FGF13: variants seen among roughly 807,000 people sequenced by gnomAD.
FGF13 encodes fibroblast growth factor 13.
A neutral mutation model predicts 19.5 loss-of-function variants in FGF13; 2 were observed. That is an observed-to-expected ratio of 0.10 (90% CI 0.04 to 0.32). FGF13 has a LOEUF of 0.32. FGF13 is among the 10% of genes least tolerant of loss of function. The probability of loss-of-function intolerance (pLI) is 1.00; values close to 1 mark genes in which losing one functional copy is unlikely to be tolerated. For missense variants in FGF13, 113 were observed against 192.7 expected (o/e 0.59, Z 2.45); for synonymous variants, 72 against 76.9 (o/e 0.94, Z 0.33).
At chrX:139,065,498 A>AAAAAAAAAAAAAAAG (rs1569449080) in intron 1 of FGF13, among the ~76,000 whole-genome samples, 1 of 84,223 alleles carries the variant, frequency 1.2e-5, no homozygotes. Context: ...AAAAAAAAGA[A>AAAAAAAAAAAAAAAG]AAAGAAAAAA....
intron 1 of FGF13, among the ~76,000 whole-genome samples, chrX:139,065,859 C>A (rs1261191789): frequency 8.9e-6 from 1 of 111,750 alleles, no homozygotes; most frequent in African/African-American, 3.3e-5. Context: ...CCTAACTCAA[C>A]AGAATATACA....
intron 3 of FGF13, among the ~76,000 whole-genome samples, chrX:138,746,418 A>G (rs917414285): frequency 3.8e-5 from 4 of 105,821 alleles, no homozygotes; most frequent in African/African-American, 1.1e-4. Context: ...ATTGTCTATA[A>G]AAAAAAAAAT....
At chrX:139,004,052 G>A (rs1419417191) in intron 1 of FGF13, among the ~76,000 whole-genome samples, 2 of 112,651 alleles carry the variant, frequency 1.8e-5, no homozygotes, top group Admixed American at 1.9e-4. Context: ...GGTGGTAGAT[G>A]GGACTGGGCG....
intron 3 of FGF13, among the ~76,000 whole-genome samples, chrX:138,814,489 T>C (rs1020405431): frequency 8.2e-5 from 9 of 110,371 alleles, no homozygotes; most frequent in African/African-American, 3.0e-4. Flanking sequence ...TATAAGGAAC[T>C]CAAACAACTC....
intron 1 of FGF13, among the ~76,000 whole-genome samples, chrX:138,901,512 A>G (rs954849047): frequency 9.0e-6 from 1 of 111,711 alleles, no homozygotes; most frequent in African/African-American, 3.3e-5. Flanking sequence ...ATAGCATTCC[A>G]CTTGACAGGA....
chrX:139,004,195 G>A (rs1252260896), intron 1 of FGF13, among the ~76,000 whole-genome samples: 1 of 112,963 alleles, frequency 8.9e-6, no homozygotes, highest in African/African-American at 3.2e-5. Context: ...AAGGCTCGGT[G>A]AGAAATCGAG....
At chrX:138,994,984 CAAAAA>C (rs5903991) in intron 1 of FGF13, among the ~76,000 whole-genome samples, 20 of 85,879 alleles carry the variant, frequency 2.3e-4, no homozygotes, top group South Asian at 1.3e-3. Flanking sequence ...ACTATGTAAC[CAAAAA>C]AAAAAAAAAA....
intron 1 of FGF13, among the ~76,000 whole-genome samples, chrX:138,937,119 C>A (rs1042831172): frequency 9.1e-6 from 1 of 110,495 alleles, no homozygotes; most frequent in African/African-American, 3.3e-5. Context: ...TCTACCCCCT[C>A]CTTTATAGAG....
At chrX:139,030,644 G>A (rs1231176884) in intron 1 of FGF13, among the ~76,000 whole-genome samples, 1 of 111,492 alleles carries the variant, frequency 9.0e-6, no homozygotes, top group Admixed American at 9.5e-5. Flanking sequence ...CCTCAGCTGG[G>A]ACGACTAGAG....
chrX:138,786,606 A>G (rs1408022554), intron 3 of FGF13, among the ~76,000 whole-genome samples: 1 of 111,472 alleles, frequency 9.0e-6, no homozygotes, highest in East Asian at 2.8e-4. Context: ...TCCCCCACCC[A>G]TCTCTTTACT....
intron 1 of FGF13, among the ~76,000 whole-genome samples, chrX:139,055,007 A>G (rs2092316933): frequency 9.1e-6 from 1 of 110,131 alleles, no homozygotes. Flanking sequence ...TGTATAGAAG[A>G]GCTACTGATT....
rs145162504 is a variant in FGF13 at position 139,111,012 on chromosome X, C to T, written c.-113+92404G>A. Among the ~76,000 whole-genome samples the T allele has an allele frequency of 5.3e-3, 593 of 111,881 alleles. 2 individuals carry two copies. The highest frequency in any genetic ancestry group is 0.019 in the African/African-American group (572 of 30,790). ...CTGGAGACACAGCCTAAAGCCCCCA[C>T]TTCCACCCACCCCATAGATTTTGTA... On this transcript the variant is annotated intron_variant, in intron 1 of 2. Coordinates refer to the FGF13 transcript ENST00000421460.
At chrX:138,664,057 A>G (rs2089515911) in intron 3 of FGF13, among the ~76,000 whole-genome samples, 1 of 112,028 alleles carries the variant, frequency 8.9e-6, no homozygotes, top group South Asian at 3.7e-4. Context: ...CTGTTCTGAC[A>G]AACAGGCAGC....
intron 1 of FGF13, among the ~76,000 whole-genome samples, chrX:138,874,186 TA>T (rs560392617): frequency 0.077 from 7,271 of 94,319 alleles, 708 homozygotes; most frequent in African/African-American, 0.25. Flanking sequence ...AAAGTAAAAT[TA>T]AAAAAAAAAA....
intron 1 of FGF13, among the ~76,000 whole-genome samples, chrX:139,138,591 C>T (rs1207177723): frequency 9.0e-6 from 1 of 111,278 alleles, no homozygotes; most frequent in Non-Finnish European, 1.9e-5. Context: ...CTTAATAATA[C>T]ACCCATATCT....
intron 3 of FGF13, among the ~76,000 whole-genome samples, chrX:138,685,355 G>A (rs762524779): frequency 3.6e-5 from 4 of 110,822 alleles, no homozygotes; most frequent in African/African-American, 1.3e-4. Context: ...GCCAATTAAT[G>A]GTTTCTTGGC....
intron 2 of FGF13, among the ~76,000 whole-genome samples, chrX:138,862,915 C>G (rs2091296804): frequency 9.0e-6 from 1 of 111,558 alleles, no homozygotes; most frequent in Admixed American, 9.6e-5. Flanking sequence ...CTAACTTGCT[C>G]TTTTCATGGT....
intron 1 of FGF13, among the ~76,000 whole-genome samples, chrX:138,999,092 A>G (rs1424479571): frequency 8.9e-6 from 1 of 112,274 alleles, no homozygotes. Flanking sequence ...ACTACTGGGT[A>G]AATAACAAAA....
chrX:138,968,101 T>C (rs1221468032), intron 1 of FGF13, among the ~76,000 whole-genome samples: 2 of 111,747 alleles, frequency 1.8e-5, no homozygotes, highest in African/African-American at 6.5e-5. Flanking sequence ...AGGAACATGA[T>C]TAAAATAACA....
Sources: gnomAD v4.1 joint callset for allele counts (sites outside exome capture counted in the v4.1 genomes callset) on GRCh38, gnomAD v4.1.1 for gene constraint, MANE v1.5 for transcripts, NCBI Gene and HGNC (gene_info 2026-07-23, HGNC 2026-07-21) for gene names.